Variants in MDGA2 observed in about 807,000 individuals in gnomAD.
MDGA2 encodes MAM domain-containing glycosylphosphatidylinositol anchor protein 2.
A neutral mutation model predicts 117.8 loss-of-function variants in MDGA2; 40 were observed. The observed-to-expected ratio is 0.34, with a 90% CI of 0.26 to 0.44. MDGA2 has a LOEUF of 0.44. MDGA2 is among the 20% of genes least tolerant of loss of function. MDGA2 has a pLI of 1.00. For synonymous variants in MDGA2, 452 were observed against 439.0 expected (o/e 1.03, Z -0.37); for missense variants, 1,123 against 1,250.6 (o/e 0.90, Z 1.54).
chr14:47,409,428 A>C (rs1892326763), intron 1 of MDGA2, among the ~76,000 whole-genome samples: 1 of 152,206 alleles, frequency 6.6e-6, no homozygotes, highest in African/African-American at 2.4e-5. Flanking sequence ...AATTATCACA[A>C]ATATATCACA....
At chr14:47,516,134 AG>A (rs1278226905) in intron 1 of MDGA2, among the ~76,000 whole-genome samples, 1 of 152,166 alleles carries the variant, frequency 6.6e-6, no homozygotes, top group Non-Finnish European at 1.5e-5. Context: ...CCTGACTTGC[AG>A]GTGATGCTTA....
chr14:47,238,263 T>C (rs1451698633), intron 2 of MDGA2, among the ~76,000 whole-genome samples: 2 of 152,186 alleles, frequency 1.3e-5, no homozygotes, highest in African/African-American at 4.8e-5. Context: ...TCAGAACATA[T>C]ATGAATTTGT....
intron 2 of MDGA2, among the ~76,000 whole-genome samples, chr14:47,264,627 T>A (rs1887904511): frequency 6.6e-6 from 1 of 152,136 alleles, no homozygotes; most frequent in African/African-American, 2.4e-5. Flanking sequence ...TTCACTTCAG[T>A]TTTAAAAAAT....
rs1491298061 is a variant in MDGA2 at position 47,142,464 on chromosome 14, CAA to C, written c.792+1612_792+1613del. ...TCTCAAAAACAAACAAACAAACAAA[CAA>C]ACAAACAAACAAAAAGAAATAGCCA... On this transcript the variant is annotated intron_variant, in intron 4 of 16. Transcript: ENST00000399232. 2.6e-5 allele frequency among the ~76,000 whole-genome samples: 4 copies of C among 151,748 alleles called. No individual in the cohort carries two copies. In the East Asian group the frequency reaches 7.7e-4, roughly 29 times the overall value.
At chr14:46,926,219 T>A (rs1331877211) in intron 9 of MDGA2, among the ~76,000 whole-genome samples, 1 of 152,226 alleles carries the variant, frequency 6.6e-6, no homozygotes, top group African/African-American at 2.4e-5. Context: ...AATTTTCATT[T>A]TTTTAGTGTG....
chr14:47,588,833 C>T (rs545787956), intron 1 of MDGA2, among the ~76,000 whole-genome samples: 3 of 151,964 alleles, frequency 2.0e-5, no homozygotes, highest in South Asian at 4.2e-4. Context: ...TATTACAGTT[C>T]TAGGCAAAAT....
rs146184258 is a variant in MDGA2, at chr14:47,414,742, T to C, written c.281-113192A>G. On this transcript the variant is annotated intron_variant, in intron 1 of 16. Transcript: ENST00000399232. ...CACTACTATGTTGAACATTTGATCA[T>C]TGTTGAGATTTGTGATGTTTTCTCC... is the stretch of plus-strand genomic sequence containing the variant. Among the ~76,000 whole-genome samples, 375 of 152,220 alleles carry C rather than the reference T, an allele frequency of 2.5e-3. 1 individual carries two copies. Among genetic ancestry groups the C allele is most frequent in the African/African-American group, 8.5e-3 (353 of 41,562 alleles).
chr14:47,547,220 A>G (rs1895480686), intron 1 of MDGA2, among the ~76,000 whole-genome samples: 1 of 152,214 alleles, frequency 6.6e-6, no homozygotes, highest in Admixed American at 6.5e-5. Context: ...TGAAAGAAAG[A>G]CTGCATCCAG....
intron 5 of MDGA2, among the ~76,000 whole-genome samples, chr14:47,100,693 T>C (rs542783619): frequency 1.3e-5 from 2 of 152,082 alleles, no homozygotes; most frequent in Non-Finnish European, 2.9e-5. Flanking sequence ...GAGATCTTCA[T>C]CAAACCAAAA....
At chr14:47,397,241 A>T (rs912036148) in intron 1 of MDGA2, among the ~76,000 whole-genome samples, 6 of 152,206 alleles carry the variant, frequency 3.9e-5, no homozygotes, top group African/African-American at 1.4e-4. Flanking sequence ...CAGAAAACCA[A>T]ACACCACATG....
intron 6 of MDGA2, among the ~76,000 whole-genome samples, chr14:47,062,488 C>T (rs1390835030): frequency 2.2e-5 from 3 of 136,172 alleles, no homozygotes; most frequent in African/African-American, 8.2e-5. Flanking sequence ...TTCTCTTATA[C>T]ACAGATTTTT....
chr14:47,173,428 A>C (rs368001798), intron 3 of MDGA2, among the ~76,000 whole-genome samples: 6 of 152,332 alleles, frequency 3.9e-5, no homozygotes, highest in South Asian at 2.1e-4. Context: ...AAAGGGAAGC[A>C]CATCAGACTA....
chr14:47,575,129 T>C (rs550490386), intron 1 of MDGA2, among the ~76,000 whole-genome samples: 8 of 152,338 alleles, frequency 5.3e-5, no homozygotes, highest in African/African-American at 1.4e-4. Flanking sequence ...AGATAATTTC[T>C]AATCATTGTG....
chr14:47,072,100 T>TTGG (rs1555349458), intron 6 of MDGA2, among the ~76,000 whole-genome samples: 2 of 27,894 alleles, frequency 7.2e-5, no homozygotes, highest in Non-Finnish European at 1.6e-4. Context: ...TTGTTGTTGT[T>TTGG]TGGGGGGGGG....
rs117568046 is a variant in MDGA2 at position 46,971,511 on chromosome 14, T to C, written c.1820-13868A>G. On this transcript the variant is annotated intron_variant, in intron 8 of 16. Transcript: ENST00000399232. ...ATATGTGAGAGATTAAAAAATTAGA[T>C]CTTATGGAGATAGAGTATAGATAGA... Among the ~76,000 whole-genome samples, 269 of 152,090 alleles carry C rather than the reference T, an allele frequency of 1.8e-3. 1 individual carries two copies. Among genetic ancestry groups the C allele is most frequent in the Non-Finnish European group, 3.0e-3 (207 of 67,942 alleles).
At chr14:47,610,695 A>G (rs1364890015) in intron 1 of MDGA2, among the ~76,000 whole-genome samples, 1 of 152,128 alleles carries the variant, frequency 6.6e-6, no homozygotes, top group Non-Finnish European at 1.5e-5. Context: ...GACACAAACA[A>G]ATGGAAACAC....
chr14:47,041,115 T>G (rs1033775890), intron 7 of MDGA2, among the ~76,000 whole-genome samples: 5 of 152,176 alleles, frequency 3.3e-5, no homozygotes, highest in Non-Finnish European at 7.4e-5. Context: ...AGTAGCATAA[T>G]CTTATGCAAA....
At chr14:47,507,595 T>C (rs1275370123) in intron 1 of MDGA2, among the ~76,000 whole-genome samples, 1 of 152,194 alleles carries the variant, frequency 6.6e-6, no homozygotes, top group African/African-American at 2.4e-5. Context: ...ATGTTGGCTA[T>C]AAATTATCAG....
At position 46,877,379 on chromosome 14, in the gene MDGA2, T is replaced by C. The variant is rs1595014472; in HGVS notation, c.2437+110A>G. The C allele has an allele frequency of 1.6e-5, 9 of 566,610 alleles. No individual in the cohort carries two copies. In the East Asian group the frequency reaches 2.9e-4, roughly 18 times the overall value. 35.1% of individuals were successfully genotyped at this position (566,610 alleles called of 1,614,324 possible). A position where few individuals can be genotyped will look rare whatever the true frequency, so the allele number is the denominator to read the frequency against. Reference sequence around the variant, plus strand: ...CAATTTTACTGATTCTGAACAATTGTGTTTTAAACCAACTAAGAATAGTTA... The same window carrying C: ...CAATTTTACTGATTCTGAACAATTGCGTTTTAAACCAACTAAGAATAGTTA... On this transcript the variant is annotated intron_variant, in intron 12 of 16. Transcript: ENST00000399232.
Sources: gnomAD v4.1 joint callset for allele counts (sites outside exome capture counted in the v4.1 genomes callset) on GRCh38, gnomAD v4.1.1 for gene constraint, MANE v1.5 for transcripts, NCBI Gene and HGNC (gene_info 2026-07-23, HGNC 2026-07-21) for gene names.